Variants in CSMD1 observed in about 807,000 individuals in gnomAD.
CSMD1 encodes CUB and sushi domain-containing protein 1.
A neutral mutation model predicts 417.5 loss-of-function variants in CSMD1; 213 were observed. The observed-to-expected ratio is 0.51, with a 90% CI of 0.46 to 0.57. CSMD1 has a LOEUF of 0.57. Among genes scored for constraint, CSMD1 ranks in the 20% least tolerant of loss-of-function variants. The pLI is 0.00. For synonymous variants in CSMD1, 2,862 were observed against 1,736.8 expected (o/e 1.65, Z -16.11); for missense variants, 6,923 against 4,529.7 (o/e 1.53, Z -15.17).
intron 1 of CSMD1, among the ~76,000 whole-genome samples, chr8:4,728,004 A>G (rs1389316367): frequency 6.9e-6 from 1 of 145,304 alleles, no homozygotes; most frequent in Admixed American, 6.9e-5. Flanking sequence ...ATATATTTAT[A>G]TACAAAATAT....
At chr8:4,455,723 G>A (rs566182783) in intron 2 of CSMD1, among the ~76,000 whole-genome samples, 1 of 151,632 alleles carries the variant, frequency 6.6e-6, no homozygotes, top group East Asian at 1.9e-4. Flanking sequence ...CTGAGGTCAG[G>A]AGTTCAAGAC....
At chr8:4,668,952 A>G (rs1263470028) in intron 1 of CSMD1, among the ~76,000 whole-genome samples, 4 of 152,082 alleles carry the variant, frequency 2.6e-5, no homozygotes, top group Admixed American at 2.0e-4. Flanking sequence ...TTATTTCTGA[A>G]CTAGTGTTAG....
chr8:3,548,626 C>T (rs1228565560), intron 10 of CSMD1, among the ~76,000 whole-genome samples: 3 of 149,652 alleles, frequency 2.0e-5, no homozygotes, highest in East Asian at 2.0e-4. Context: ...GCCATTAATT[C>T]AACCCTTTTC....
chr8:3,266,733 C>G (rs1269186478), intron 26 of CSMD1, among the ~76,000 whole-genome samples: 1 of 150,098 alleles, frequency 6.7e-6, no homozygotes, highest in Non-Finnish European at 1.5e-5. Flanking sequence ...TGAGATTATA[C>G]CACTGCACTC....
chr8:3,377,947 A>G, intron 18 of CSMD1, among the ~76,000 whole-genome samples: 1 of 152,228 alleles, frequency 6.6e-6, no homozygotes, highest in East Asian at 1.9e-4. Flanking sequence ...GAATATTAAA[A>G]GAATTGAGGT....
chr8:3,541,485 G>T (rs10101468), intron 10 of CSMD1, among the ~76,000 whole-genome samples: 5,938 of 151,412 alleles, frequency 0.039, 342 homozygotes, highest in African/African-American at 0.12. Context: ...CATGTTTACC[G>T]AAATAACAAA....
At chr8:3,857,808 G>A (rs989201634) in intron 5 of CSMD1, among the ~76,000 whole-genome samples, 13 of 152,314 alleles carry the variant, frequency 8.5e-5, no homozygotes, top group Middle Eastern at 3.4e-3. Context: ...CACCAGGCCA[G>A]AGTAGAAAAG....
At chr8:3,936,679 G>A (rs571204161) in intron 5 of CSMD1, among the ~76,000 whole-genome samples, 1 of 152,198 alleles carries the variant, frequency 6.6e-6, no homozygotes, top group South Asian at 2.1e-4. Context: ...AATGTACCTG[G>A]TCACACAAGA....
At chr8:4,526,221 A>G (rs761123290) in intron 2 of CSMD1, among the ~76,000 whole-genome samples, 11 of 152,206 alleles carry the variant, frequency 7.2e-5, no homozygotes, top group African/African-American at 2.7e-4. Flanking sequence ...CATGCGCTAC[A>G]TTTGATTATA....
intron 2 of CSMD1, among the ~76,000 whole-genome samples, chr8:4,508,524 T>G (rs553064201): frequency 6.6e-6 from 1 of 152,210 alleles, no homozygotes; most frequent in African/African-American, 2.4e-5. Context: ...CCAAACGTTA[T>G]AAATTTGCAA....
intron 8 of CSMD1, among the ~76,000 whole-genome samples, chr8:3,611,365 G>C (rs1801885725): frequency 6.6e-6 from 1 of 152,096 alleles, no homozygotes; most frequent in Admixed American, 6.5e-5. Context: ...GAGCTCTGGA[G>C]GAACAAACAT....
rs117136821 is a variant in CSMD1, at chr8:3,608,996, C to G, written c.1097+7714G>C. 6.3e-3 allele frequency among the ~76,000 whole-genome samples: 951 copies of G among 152,100 alleles called. 8 individuals carry two copies. The highest frequency in any genetic ancestry group is 6.1e-3 in the Non-Finnish European group (417 of 67,976). On this transcript the variant is annotated intron_variant, in intron 8 of 69. Coordinates refer to ENST00000635120, the MANE Select transcript of CSMD1 (RefSeq NM_033225.6). Reference sequence around the variant, plus strand: ...TCCTCATTGGCTACTTTGTGAAGTCCGCACACTACACACCCCTTTCCAGCG... The same window carrying G: ...TCCTCATTGGCTACTTTGTGAAGTCGGCACACTACACACCCCTTTCCAGCG...
At chr8:4,287,844 G>A (rs1797147460) in intron 3 of CSMD1, among the ~76,000 whole-genome samples, 1 of 151,912 alleles carries the variant, frequency 6.6e-6, no homozygotes, top group African/African-American at 2.4e-5. Flanking sequence ...TGGGAGAAGT[G>A]CCTCCCCTGT....
intron 2 of CSMD1, among the ~76,000 whole-genome samples, chr8:4,625,366 C>A (rs553529379): frequency 9.2e-5 from 14 of 152,078 alleles, no homozygotes; most frequent in Admixed American, 3.9e-4. Flanking sequence ...TGTAAATGAT[C>A]CTTTCAACTT....
chr8:3,532,842 C>A (rs1054650715), intron 10 of CSMD1, among the ~76,000 whole-genome samples: 20 of 152,112 alleles, frequency 1.3e-4, no homozygotes, highest in Non-Finnish European at 2.1e-4. Flanking sequence ...GCACACAGCA[C>A]AATGACCTAC....
intron 2 of CSMD1, among the ~76,000 whole-genome samples, chr8:4,458,385 T>A (rs1799614414): frequency 6.6e-6 from 1 of 152,104 alleles, no homozygotes; most frequent in African/African-American, 2.4e-5. Flanking sequence ...AAACCTAAAG[T>A]TATTACAAGT....
intron 3 of CSMD1, among the ~76,000 whole-genome samples, chr8:4,197,131 G>A (rs1050380635): frequency 6.6e-6 from 1 of 152,122 alleles, no homozygotes; most frequent in Admixed American, 6.6e-5. Context: ...GCAGTTCCCA[G>A]ACAAACTACA....
At chr8:3,424,791 T>C (rs577447776) in intron 12 of CSMD1, among the ~76,000 whole-genome samples, 2 of 152,362 alleles carry the variant, frequency 1.3e-5, no homozygotes, top group East Asian at 3.9e-4. Context: ...GACTTAACAA[T>C]TGCCCAAGAG....
intron 7 of CSMD1, among the ~76,000 whole-genome samples, chr8:3,683,711 G>C (rs1300434411): frequency 6.6e-6 from 1 of 152,086 alleles, no homozygotes; most frequent in Non-Finnish European, 1.5e-5. Context: ...AGAGGCTCAA[G>C]CTCCTACAAC....
Sources: gnomAD v4.1 joint callset for allele counts (sites outside exome capture counted in the v4.1 genomes callset) on GRCh38, gnomAD v4.1.1 for gene constraint, MANE v1.5 for transcripts, NCBI Gene and HGNC (gene_info 2026-07-23, HGNC 2026-07-21) for gene names.